CTTNBP2: variants seen among roughly 807,000 people sequenced by gnomAD.
CTTNBP2 encodes the protein cortactin binding protein 2.
Under a neutral mutation model 156.9 loss-of-function variants are expected in CTTNBP2, and 108 were observed. That is an observed-to-expected ratio of 0.69 (90% CI 0.59 to 0.81). The LOEUF (loss-of-function observed/expected upper bound fraction) is 0.81. CTTNBP2 is among the 30% of genes least tolerant of loss of function. The pLI is 0.00. For synonymous variants in CTTNBP2, 767 were observed against 751.8 expected, an observed-to-expected ratio of 1.02 and a Z score of -0.33; for missense variants, 1,924 against 2,035.4, an observed-to-expected ratio of 0.95 and a Z score of 1.05.
chr7:117,804,062 G>A (rs539280374), intron 3 of CTTNBP2, among the ~76,000 whole-genome samples: 8 of 152,130 alleles, frequency 5.3e-5, no homozygotes, highest in African/African-American at 1.9e-4. Flanking sequence ...TCCTGGGTTC[G>A]AGAGATTCTT....
chr7:117,810,613 T>C (rs1800216056), intron 3 of CTTNBP2, 152 bp downstream of exon 3: 2 of 678,310 alleles, frequency 2.9e-6, no homozygotes, highest in East Asian at 2.5e-5. Flanking sequence ...CTAGGTTACA[T>C]TGGCTTAAAG....
At chr7:117,872,507 A>G (rs1347848295) in intron 1 of CTTNBP2, among the ~76,000 whole-genome samples, 1 of 152,072 alleles carries the variant, frequency 6.6e-6, no homozygotes, top group Non-Finnish European at 1.5e-5. Flanking sequence ...GCCCTTCCCC[A>G]AAGTAGAGGC....
At chr7:117,781,576 A>G (rs1452265972) in intron 6 of CTTNBP2, among the ~76,000 whole-genome samples, 1 of 152,166 alleles carries the variant, frequency 6.6e-6, no homozygotes, top group Non-Finnish European at 1.5e-5. Flanking sequence ...CGTCTCTACT[A>G]AAATACAAAA....
At chr7:117,712,432 AGTG>A (rs939546581) in intron 22 of CTTNBP2, 4 of 152,168 alleles carry the variant, frequency 2.6e-5, no homozygotes, top group Non-Finnish European at 2.9e-5. Flanking sequence ...CAGTGAACGG[AGTG>A]GTGAAGCTGG....
At chr7:117,795,501 A>G (rs1799267503) in intron 3 of CTTNBP2, among the ~76,000 whole-genome samples, 1 of 152,214 alleles carries the variant, frequency 6.6e-6, no homozygotes, top group Non-Finnish European at 1.5e-5. Flanking sequence ...TTACAAAACA[A>G]TAACTAGAGG....
intron 22 of CTTNBP2, chr7:117,713,721 C>G (rs910544233): frequency 6.6e-6 from 1 of 152,126 alleles, no homozygotes. Flanking sequence ...TCTTTAAAGC[C>G]CAACACAACA....
chr7:117,778,190 A>G (rs1164156422), intron 7 of CTTNBP2, among the ~76,000 whole-genome samples: 1 of 152,252 alleles, frequency 6.6e-6, no homozygotes, highest in Non-Finnish European at 1.5e-5. Context: ...AGTTTTACTT[A>G]TAAGGCACTG....
At chr7:117,835,270 C>G (rs11977378) in intron 2 of CTTNBP2, among the ~76,000 whole-genome samples, 88,519 of 151,734 alleles carry the variant, frequency 0.58, 25,920 homozygotes, top group East Asian at 0.74. Flanking sequence ...GATATGCACA[C>G]TAATTCATGT....
chr7:117,814,939 C>CA (rs375882288), intron 2 of CTTNBP2, among the ~76,000 whole-genome samples: 7 of 152,196 alleles, frequency 4.6e-5, no homozygotes, highest in African/African-American at 9.6e-5. Context: ...TGAGTTTAGA[C>CA]AAAAAACCTG....
chr7:117,815,592 C>T (rs1800530247), intron 2 of CTTNBP2, among the ~76,000 whole-genome samples: 1 of 152,132 alleles, frequency 6.6e-6, no homozygotes, highest in African/African-American at 2.4e-5. Flanking sequence ...ACAGGCTCCC[C>T]ACTATTAGGA....
At chr7:117,807,454 A>G (rs1334743088) in intron 3 of CTTNBP2, among the ~76,000 whole-genome samples, 2 of 152,234 alleles carry the variant, frequency 1.3e-5, no homozygotes, top group Non-Finnish European at 1.5e-5. Flanking sequence ...TCAAGGAAAC[A>G]AAACAAATAT....
intron 3 of CTTNBP2, among the ~76,000 whole-genome samples, chr7:117,801,037 T>G (rs758054010): frequency 1.3e-5 from 2 of 152,078 alleles, no homozygotes; most frequent in East Asian, 1.9e-4. Context: ...CGGGGACAGA[T>G]AGTGATGGTA....
At chr7:117,850,876 C>T (rs190508931) in intron 2 of CTTNBP2, among the ~76,000 whole-genome samples, 8 of 152,284 alleles carry the variant, frequency 5.3e-5, no homozygotes, top group Admixed American at 4.6e-4. Flanking sequence ...AGCTTACACT[C>T]TCTTCCCAGT....
chr7:117,811,863 A>C (rs1003235002), intron 2 of CTTNBP2, among the ~76,000 whole-genome samples: 169 of 132,860 alleles, frequency 1.3e-3, no homozygotes, highest in African/African-American at 5.0e-3. Context: ...TTAATGTAAA[A>C]ATTTTAATTA....
In CTTNBP2 at chr7:117,725,077, C is replaced by T; in HGVS notation, c.4236G>A (p.Leu1412=). Residue 1412 remains leucine, a synonymous_variant, in exon 18 of 23, where the codon CTG becomes CTA. Coordinates refer to ENST00000160373, the MANE Select transcript of CTTNBP2 (RefSeq NM_033427.3). ...CTGCTCTGGGGAGGGGACAGCCATG[C>T]AGTACAGCTTTATTTAGCAAGATGC... ...ALSILLNKAV[L]HGCPLPRAEL... 1 of 1,612,604 alleles carries T rather than the reference C, an allele frequency of 6.2e-7. No homozygotes were observed. The highest frequency in any genetic ancestry group is 8.5e-7 in the Non-Finnish European group (1 of 1,180,020).
chr7:117,744,419 T>C (rs1183227438), intron 14 of CTTNBP2, among the ~76,000 whole-genome samples: 1 of 152,188 alleles, frequency 6.6e-6, no homozygotes, highest in African/African-American at 2.4e-5. Flanking sequence ...CCTCAAACAA[T>C]TAAGAACCTG....
At chr7:117,757,582 C>T (rs1470125971) in intron 11 of CTTNBP2, among the ~76,000 whole-genome samples, 2 of 149,084 alleles carry the variant, frequency 1.3e-5, no homozygotes, top group African/African-American at 4.9e-5. Context: ...GTCTCTGTCA[C>T]TCTCTTATCA....
intron 1 of CTTNBP2, among the ~76,000 whole-genome samples, chr7:117,865,590 T>C (rs1389684288): frequency 2.7e-5 from 4 of 147,328 alleles, no homozygotes; most frequent in African/African-American, 7.5e-5. Context: ...GGTGGGAGAA[T>C]TGCTTGAACC....
At chr7:117,780,084 A>G (rs557290519) in intron 7 of CTTNBP2, among the ~76,000 whole-genome samples, 2 of 152,276 alleles carry the variant, frequency 1.3e-5, no homozygotes, top group African/African-American at 4.8e-5. Flanking sequence ...ATTATTAACC[A>G]CTGGTCCTCC....
Sources: allele counts gnomAD v4.1 joint callset (sites outside exome capture counted in the v4.1 genomes callset), GRCh38; gene constraint gnomAD v4.1.1; transcripts MANE v1.5; gene names NCBI Gene and HGNC (gene_info 2026-07-23, HGNC 2026-07-21).